Variants in SOX5 observed in about 807,000 individuals in gnomAD.
SOX5 encodes SRY-box transcription factor 5, also known as transcription factor SOX-5.
In SOX5, 9 loss-of-function variants were observed where a neutral mutation model predicts 92.0. The ratio of observed to expected loss-of-function variants is 0.10; its 90% CI spans 0.06 to 0.17. The LOEUF is 0.17. SOX5 is among the 10% of genes least tolerant of loss of function. The pLI, the probability that SOX5 is intolerant of heterozygous loss-of-function variation, is 1.00. For synonymous variants in SOX5, 344 were observed against 336.3 expected, an observed-to-expected ratio of 1.02 and a Z score of -0.25; for missense variants, 642 against 944.5, an observed-to-expected ratio of 0.68 and a Z score of 4.20.
chr12:24,475,763 C>T (rs1945298833), intron 1 of SOX5, among the ~76,000 whole-genome samples: 1 of 152,296 alleles, frequency 6.6e-6, no homozygotes, highest in East Asian at 1.9e-4. Flanking sequence ...CAGAGGATCG[C>T]TTGAGCTCAG....
chr12:23,653,041 T>C (rs868105684), intron 7 of SOX5, among the ~76,000 whole-genome samples: 7 of 150,980 alleles, frequency 4.6e-5, no homozygotes, highest in African/African-American at 1.5e-4. Context: ...GATGGATGGA[T>C]GGATGGATGG....
chr12:23,714,116 T>C (rs116365124), intron 6 of SOX5, among the ~76,000 whole-genome samples: 2,739 of 151,758 alleles, frequency 0.018, 88 homozygotes, highest in African/African-American at 0.06. Flanking sequence ...GAAAAGATTA[T>C]TGGTCATGTT....
intron 1 of SOX5, among the ~76,000 whole-genome samples, chr12:24,521,945 T>A: frequency 6.7e-6 from 1 of 149,378 alleles, no homozygotes; most frequent in African/African-American, 2.5e-5. Flanking sequence ...AAAAAAGAGA[T>A]CAGGTAGAAA....
intron 3 of SOX5, among the ~76,000 whole-genome samples, chr12:23,790,529 CTCTCTCTCTCTCAA>C (rs1184183495): frequency 2.3e-5 from 2 of 87,090 alleles, no homozygotes; most frequent in Non-Finnish European, 5.1e-5. Flanking sequence ...CTCTCTCTCT[CTCTCTCTCTCTCAA>C]TCTCTCACAC....
chr12:24,458,971 C>T (rs537080248), intron 1 of SOX5, among the ~76,000 whole-genome samples: 2 of 152,152 alleles, frequency 1.3e-5, no homozygotes, highest in South Asian at 2.1e-4. Flanking sequence ...AGACTTTGAA[C>T]AGAAATAAGA....
At chr12:23,887,151 G>A (rs1744096799) in intron 2 of SOX5, among the ~76,000 whole-genome samples, 1 of 152,126 alleles carries the variant, frequency 6.6e-6, no homozygotes, top group South Asian at 2.1e-4. Context: ...ATCACATGCA[G>A]TAAGAGAAAC....
intron 1 of SOX5, among the ~76,000 whole-genome samples, chr12:24,456,901 C>A (rs1054887511): frequency 2.0e-4 from 30 of 152,304 alleles, no homozygotes; most frequent in African/African-American, 6.7e-4. Flanking sequence ...CAAAATAAAT[C>A]ATTTACTTTG....
At chr12:24,236,077 A>C (rs1005139132) in intron 3 of SOX5, among the ~76,000 whole-genome samples, 1 of 152,146 alleles carries the variant, frequency 6.6e-6, no homozygotes. Context: ...CTGTAGTCCC[A>C]GCTACTTGGG....
intron 1 of SOX5, among the ~76,000 whole-genome samples, chr12:24,434,263 G>C (rs1330420876): frequency 6.6e-6 from 1 of 152,116 alleles, no homozygotes; most frequent in Non-Finnish European, 1.5e-5. Context: ...TTCAGAGTAT[G>C]GATTACTTTC....
chr12:24,329,308 C>T (rs1370733266), intron 2 of SOX5, among the ~76,000 whole-genome samples: 1 of 152,074 alleles, frequency 6.6e-6, no homozygotes, highest in Admixed American at 6.6e-5. Flanking sequence ...CCTCAGGAAA[C>T]TTACAGTCAT....
upstream of SOX5, among the ~76,000 whole-genome samples, chr12:23,953,180 A>G (rs1013626083): frequency 6.6e-6 from 1 of 152,096 alleles, no homozygotes; most frequent in Non-Finnish European, 1.5e-5. Flanking sequence ...AATATCAGCA[A>G]AAGGAAAGAC....
intron 11 of SOX5, among the ~76,000 whole-genome samples, chr12:23,555,122 T>TAACTA (rs531814543): frequency 6.6e-6 from 1 of 152,192 alleles, no homozygotes; most frequent in Non-Finnish European, 1.5e-5. Context: ...AACCTTGGCA[T>TAACTA]AACTAAACTA....
intron 1 of SOX5, among the ~76,000 whole-genome samples, chr12:24,387,967 A>G (rs1245596367): frequency 6.6e-6 from 1 of 152,182 alleles, no homozygotes; most frequent in Admixed American, 6.5e-5. Context: ...CTATTAGCCA[A>G]AGCCCAAACT....
chr12:23,823,696 A>G (rs1056335756), intron 3 of SOX5, among the ~76,000 whole-genome samples: 32 of 152,140 alleles, frequency 2.1e-4, no homozygotes, highest in African/African-American at 7.5e-4. Flanking sequence ...CCTGGATAAT[A>G]TCCTGAAATG....
At chr12:24,208,300 T>G (rs1172487704) in intron 4 of SOX5, among the ~76,000 whole-genome samples, 1 of 152,184 alleles carries the variant, frequency 6.6e-6, no homozygotes, top group Non-Finnish European at 1.5e-5. Context: ...CACCCTACTT[T>G]CCCAAGACAA....
At chr12:23,725,592 G>A (rs1321499351) in intron 6 of SOX5, among the ~76,000 whole-genome samples, 1 of 152,138 alleles carries the variant, frequency 6.6e-6, no homozygotes, top group Non-Finnish European at 1.5e-5. Flanking sequence ...CCATTTAAAT[G>A]GAACTGGGGT....
chr12:24,125,572 G>A (rs1475591670), intron 4 of SOX5, among the ~76,000 whole-genome samples: 1 of 152,150 alleles, frequency 6.6e-6, no homozygotes, highest in South Asian at 2.1e-4. Flanking sequence ...CGATCTCTGA[G>A]TAGCAGTAAA....
At chr12:23,975,903 T>A (rs866857509) in intron 4 of SOX5, among the ~76,000 whole-genome samples, 2 of 152,222 alleles carry the variant, frequency 1.3e-5, no homozygotes, top group African/African-American at 4.8e-5. Context: ...AACTTATAGA[T>A]AAAATTCTGA....
At chr12:24,399,334 G>A (rs1301292832) in intron 1 of SOX5, among the ~76,000 whole-genome samples, 5 of 152,076 alleles carry the variant, frequency 3.3e-5, no homozygotes, top group Non-Finnish European at 7.4e-5. Flanking sequence ...TTCTCTGGTT[G>A]AACAAACTTT....
Sources: gnomAD v4.1 joint callset for allele counts (sites outside exome capture counted in the v4.1 genomes callset) on GRCh38, gnomAD v4.1.1 for gene constraint, MANE v1.5 for transcripts, NCBI Gene and HGNC (gene_info 2026-07-23, HGNC 2026-07-21) for gene names.